Variants in CFAP96 observed in about 807,000 individuals in gnomAD.
CFAP96 encodes the protein cilia and flagella associated protein 96.
chr4:185,418,068 A>AC, the CFAP96 span, among the ~76,000 whole-genome samples: 368 of 151,440 alleles, frequency 2.4e-3, 2 homozygotes, highest in African/African-American at 7.3e-3. Flanking sequence ...ACACACACAC[A>AC]AACAACAGAA....
the CFAP96 span, among the ~76,000 whole-genome samples, chr4:185,427,807 C>G: frequency 6.7e-6 from 1 of 149,558 alleles, no homozygotes; most frequent in East Asian, 1.9e-4. Flanking sequence ...TCTTACCAGC[C>G]GGGCGCGGTG....
the CFAP96 span, among the ~76,000 whole-genome samples, chr4:185,410,044 T>C: frequency 1.3e-5 from 2 of 152,210 alleles, no homozygotes; most frequent in African/African-American, 4.8e-5. Flanking sequence ...TCAAATATGT[T>C]ATTATTTTTT....
chr4:185,443,917 CTTTCTTTTTTTTTTTTT>C, the CFAP96 span, among the ~76,000 whole-genome samples: 2 of 99,576 alleles, frequency 2.0e-5, no homozygotes, highest in African/African-American at 3.9e-5. Context: ...ATAACTATAT[CTTTCTTTTTTTTTTTTT>C]TTTTTTTTTT....
the CFAP96 span, among the ~76,000 whole-genome samples, chr4:185,410,685 G>A: frequency 5.4e-5 from 8 of 149,152 alleles, no homozygotes; most frequent in African/African-American, 1.2e-4. Flanking sequence ...AGTGGCTCAC[G>A]CCTGTAATCC....
At chr4:185,413,947 T>C in the CFAP96 span, 2 of 1,338,818 alleles carry the variant, frequency 1.5e-6, no homozygotes, top group Non-Finnish European at 2.0e-6. Context: ...ATAAAGATGT[T>C]ATTAAACATG....
chr4:185,419,106 T>C, the CFAP96 span, among the ~76,000 whole-genome samples: 1 of 152,140 alleles, frequency 6.6e-6, no homozygotes, highest in Non-Finnish European at 1.5e-5. Flanking sequence ...TTTCTCTAAT[T>C]GAAAATTTTC....
the CFAP96 span, chr4:185,432,282 T>A: frequency 1.9e-6 from 2 of 1,065,756 alleles, no homozygotes; most frequent in Non-Finnish European, 2.7e-6. Flanking sequence ...TCTGTAGGAC[T>A]TACTTATGTA....
At chr4:185,424,802 TAA>T in the CFAP96 span, among the ~76,000 whole-genome samples, 1 of 152,232 alleles carries the variant, frequency 6.6e-6, no homozygotes, top group Non-Finnish European at 1.5e-5. Context: ...ACTTATCACT[TAA>T]GTCTGTTTCT....
chr4:185,433,268 A>G, the CFAP96 span, among the ~76,000 whole-genome samples: 1 of 150,936 alleles, frequency 6.6e-6, no homozygotes, highest in Non-Finnish European at 1.5e-5. Flanking sequence ...GGTGGCATGC[A>G]CCTGTAGTCC....
the CFAP96 span, among the ~76,000 whole-genome samples, chr4:185,448,070 G>C: frequency 6.6e-6 from 1 of 152,140 alleles, no homozygotes; most frequent in South Asian, 2.1e-4. Context: ...ACCCAGGCTG[G>C]AGTGCAAAGG....
the CFAP96 span, chr4:185,418,785 T>C: frequency 2.5e-6 from 4 of 1,570,844 alleles, no homozygotes; most frequent in South Asian, 1.2e-5. Context: ...ATTAAAAGAA[T>C]ATAAATAGAA....
At chr4:185,429,799 T>C in the CFAP96 span, among the ~76,000 whole-genome samples, 4 of 152,032 alleles carry the variant, frequency 2.6e-5, no homozygotes, top group South Asian at 6.2e-4. Flanking sequence ...GCCTCCTGAG[T>C]CTACAGGCAC....
the CFAP96 span, chr4:185,418,856 G>A: frequency 2.8e-6 from 3 of 1,077,148 alleles, no homozygotes; most frequent in East Asian, 5.3e-5. Context: ...GTAGAGCATA[G>A]TAAAACTCTC....
chr4:185,448,691 C>T, the CFAP96 span, among the ~76,000 whole-genome samples: 3 of 152,252 alleles, frequency 2.0e-5, no homozygotes, highest in East Asian at 1.9e-4. Context: ...AGCCACCTAT[C>T]GCTACTCTGC....
chr4:185,432,698 AC>A, the CFAP96 span, among the ~76,000 whole-genome samples: 2 of 152,128 alleles, frequency 1.3e-5, no homozygotes, highest in Non-Finnish European at 2.9e-5. Context: ...CCCCATCTCT[AC>A]AAAAGTTAAA....
At chr4:185,439,875 ATG>A in the CFAP96 span, among the ~76,000 whole-genome samples, 1 of 147,588 alleles carries the variant, frequency 6.8e-6, no homozygotes, top group African/African-American at 2.5e-5. Flanking sequence ...AATTATAAAA[ATG>A]TTATATATAC....
At chr4:185,412,718 C>A in the CFAP96 span, among the ~76,000 whole-genome samples, 1 of 152,148 alleles carries the variant, frequency 6.6e-6, no homozygotes, top group Non-Finnish European at 1.5e-5. Flanking sequence ...GTTAGGATCA[C>A]AAGCATACAC....
At chr4:185,411,302 A>G in the CFAP96 span, among the ~76,000 whole-genome samples, 1 of 152,174 alleles carries the variant, frequency 6.6e-6, no homozygotes, top group East Asian at 1.9e-4. Flanking sequence ...GCTACGCCAA[A>G]ATTGTTTTAC....
At chr4:185,429,367 C>T in the CFAP96 span, 1 of 1,200,988 alleles carries the variant, frequency 8.3e-7, no homozygotes. Context: ...CCTAGGGAAA[C>T]TTTTGAAGTT....
Sources: allele counts gnomAD v4.1 joint callset (sites outside exome capture counted in the v4.1 genomes callset), GRCh38; gene constraint gnomAD v4.1.1; transcripts MANE v1.5; gene names NCBI Gene and HGNC (gene_info 2026-07-23, HGNC 2026-07-21).